The following KCTD1 variants were observed in gnomAD, a reference collection of about 807,000 sequenced individuals.
KCTD1 encodes potassium channel tetramerization domain containing 1, also known as BTB/POZ domain-containing protein KCTD1.
In KCTD1, 24 loss-of-function variants were observed where a neutral mutation model predicts 66.0. The ratio of observed to expected loss-of-function variants is 0.36; its 90% CI spans 0.26 to 0.51. The LOEUF (loss-of-function observed/expected upper bound fraction) is 0.51, where lower values mean the gene tolerates loss of function less well. KCTD1 is among the 20% of genes least tolerant of loss of function. The pLI, the probability that KCTD1 is intolerant of heterozygous loss-of-function variation, is 0.95. For synonymous variants in KCTD1, 511 were observed against 517.2 expected, an observed-to-expected ratio of 0.99 and a Z score of 0.16; for missense variants, 943 against 1,205.2, an observed-to-expected ratio of 0.78 and a Z score of 3.22.
In KCTD1 at chr18:26,546,771, T is replaced by C. The variant is rs1278354422; in HGVS notation, c.1766A>G (p.Asn589Ser). 6.5e-7 allele frequency: 1 copy of C among 1,550,144 alleles called. No homozygotes were observed. Among genetic ancestry groups the C allele is most frequent in the Non-Finnish European group, 8.7e-7 (1 of 1,146,474 alleles). ...AGCAGGTGAAACTATTGTGGGAGAA[T>C]TGGTGCTTCTGTGCCCATTGGCTTC... ...LPEANGHRST[N>S]SPTIVSPAIV... Residue 589 changes from asparagine (N) to serine (S), a missense_variant, in exon 1 of 5, where the codon AAT (asparagine) becomes AGT (serine). Coordinates refer to ENST00000580059, the MANE Select transcript of KCTD1 (RefSeq NM_001142730.3).
At chr18:26,528,400 AAAACAATCT>A (rs1984273636) in intron 1 of KCTD1, among the ~76,000 whole-genome samples, 1 of 152,234 alleles carries the variant, frequency 6.6e-6, no homozygotes, top group Non-Finnish European at 1.5e-5. Context: ...AAAAGTTAAT[AAAACAATCT>A]AAAGCCAATC....
At chr18:26,637,726 C>G (rs1162060443) in intron 1 of KCTD1, among the ~76,000 whole-genome samples, 1 of 152,208 alleles carries the variant, frequency 6.6e-6, no homozygotes, top group African/African-American at 2.4e-5. Context: ...GGCAGTGTCT[C>G]TAATGGGAGG....
chr18:26,481,971 C>G (rs1276733851), intron 2 of KCTD1, among the ~76,000 whole-genome samples: 2 of 152,220 alleles, frequency 1.3e-5, no homozygotes, highest in Non-Finnish European at 2.9e-5. Context: ...CCCTGTCATT[C>G]TGAAGTGTCA....
At chr18:26,483,265 CTTTTCTT>C (rs1428971792) in intron 2 of KCTD1, among the ~76,000 whole-genome samples, 1 of 152,060 alleles carries the variant, frequency 6.6e-6, no homozygotes, top group Non-Finnish European at 1.5e-5. Context: ...ATTTTTCTTT[CTTTTCTT>C]TTTTCTTTTT....
upstream of KCTD1, among the ~76,000 whole-genome samples, chr18:26,551,323 A>G (rs1985559640): frequency 6.6e-6 from 1 of 152,192 alleles, no homozygotes; most frequent in Non-Finnish European, 1.5e-5. Context: ...AGCAGAACCG[A>G]AAAACCCCAA....
At position 26,501,039 on chromosome 18, in the gene KCTD1, G is replaced by A. The variant is rs368628244; in HGVS notation, c.1988+33C>T. ...AAAACAGGTTACCAAATACATGCAC[G>A]TCGGAGTCTGATTTTTCAGTTTTTC... On this transcript the variant is annotated intron_variant, in intron 2 of 4. Transcript: ENST00000580059. 19 of 1,604,372 alleles carry A rather than the reference G, an allele frequency of 1.2e-5. No homozygotes were observed. The East Asian group carries it at 1.6e-4, about 13-fold the overall frequency.
At chr18:26,579,926 T>C (rs1986314846) in intron 1 of KCTD1, among the ~76,000 whole-genome samples, 1 of 152,172 alleles carries the variant, frequency 6.6e-6, no homozygotes, top group Non-Finnish European at 1.5e-5. Context: ...AACTTTGAGC[T>C]ACCCCCATTT....
At chr18:26,464,229 CTGG>C (rs1477370127) in intron 3 of KCTD1, among the ~76,000 whole-genome samples, 14 of 152,348 alleles carry the variant, frequency 9.2e-5, no homozygotes, top group Non-Finnish European at 2.1e-4. Context: ...TGCCTTCCTT[CTGG>C]AGGCTCTGGG....
chr18:26,562,471 G>A (rs996456705), intron 1 of KCTD1, among the ~76,000 whole-genome samples: 1 of 151,960 alleles, frequency 6.6e-6, no homozygotes, highest in Non-Finnish European at 1.5e-5. Context: ...TATGTTGCCT[G>A]GGCTGGTCTT....
intron 1 of KCTD1, among the ~76,000 whole-genome samples, chr18:26,647,803 T>C (rs1035126701): frequency 1.3e-5 from 2 of 151,394 alleles, no homozygotes; most frequent in South Asian, 2.1e-4. Flanking sequence ...TCATAGGTGA[T>C]AGCCGTTTAA....
intron 1 of KCTD1, among the ~76,000 whole-genome samples, chr18:26,571,281 T>C (rs1351994590): frequency 6.6e-6 from 1 of 152,156 alleles, no homozygotes; most frequent in African/African-American, 2.4e-5. Context: ...AATGACTGAG[T>C]TCCAATTCTC....
intron 2 of KCTD1, among the ~76,000 whole-genome samples, chr18:26,482,020 ACCAAGTTCAG>A (rs1215760917): frequency 6.6e-6 from 1 of 152,202 alleles, no homozygotes; most frequent in African/African-American, 2.4e-5. Flanking sequence ...CTCCAGGACA[ACCAAGTTCAG>A]CCTCTCATTT....
upstream of KCTD1, chr18:26,657,413 C>T: frequency 1.0e-6 from 1 of 985,034 alleles, no homozygotes; most frequent in Non-Finnish European, 1.2e-6. Flanking sequence ...CTTTTCCTCT[C>T]CCCCCTTTTC....
In KCTD1 at chr18:26,476,855, T is replaced by C; in HGVS notation, c.1989-196A>G. The C allele has an allele frequency of 1.9e-6, 1 of 526,500 alleles. No individual in the cohort carries two copies. Among genetic ancestry groups the C allele is most frequent in the Non-Finnish European group, 3.3e-6 (1 of 303,642 alleles). The allele number at this position is 526,500 out of a possible 1,614,324, so 32.6% of individuals were successfully genotyped here. A position where few individuals can be genotyped will look rare whatever the true frequency, so the allele number is the denominator to read the frequency against. On this transcript the variant is annotated intron_variant, in intron 2 of 4. Transcript: ENST00000580059. This position sits in a 1 kb window ranked among gnomAD's most constrained non-coding sequence, Gnocchi z 4.9. ...AGACCATTCAAAATAGTCCTAGGCT[T>C]TGTCAAATGAATTCTTTTATTCACT...
chr18:26,477,852 A>G (rs1336240831), intron 2 of KCTD1, among the ~76,000 whole-genome samples: 1 of 152,226 alleles, frequency 6.6e-6, no homozygotes, highest in Non-Finnish European at 1.5e-5. Context: ...GCAAAGAGGA[A>G]AGCAAGTAAT....
At chr18:26,637,530 C>T (rs780527898) in intron 1 of KCTD1, among the ~76,000 whole-genome samples, 49 of 152,174 alleles carry the variant, frequency 3.2e-4, no homozygotes, top group Non-Finnish European at 6.3e-4. Context: ...TCCCCTCTGC[C>T]GATTTCAAGA....
chr18:26,529,569 G>A (rs994549531), intron 1 of KCTD1, among the ~76,000 whole-genome samples: 4 of 152,026 alleles, frequency 2.6e-5, no homozygotes, highest in Non-Finnish European at 4.4e-5. Flanking sequence ...AAATCCCAAA[G>A]GAAAAGAAGA....
At chr18:26,523,634 T>C (rs950376659) in intron 1 of KCTD1, among the ~76,000 whole-genome samples, 2 of 143,564 alleles carry the variant, frequency 1.4e-5, no homozygotes, top group African/African-American at 2.6e-5. Flanking sequence ...AAATAAATAA[T>C]AAAATTAAAA....
At chr18:26,506,762 T>C (rs1983059479) in intron 1 of KCTD1, among the ~76,000 whole-genome samples, 1 of 152,236 alleles carries the variant, frequency 6.6e-6, no homozygotes, top group Non-Finnish European at 1.5e-5. Flanking sequence ...CTTTCTGCAG[T>C]ACAGGAGATG....
Sources: allele counts gnomAD v4.1 joint callset (sites outside exome capture counted in the v4.1 genomes callset), GRCh38; gene constraint gnomAD v4.1.1; non-coding constraint Gnocchi (gnomAD v3.1); transcripts MANE v1.5; gene names NCBI Gene and HGNC (gene_info 2026-07-23, HGNC 2026-07-21).